NWD2: variants seen among roughly 807,000 people sequenced by gnomAD.
The protein encoded by NWD2 is NACHT and WD repeat domain containing 2.
A neutral mutation model predicts 132.7 loss-of-function variants in NWD2; 37 were observed. The ratio of observed to expected loss-of-function variants is 0.28; its 90% CI spans 0.21 to 0.37. The LOEUF is 0.37. NWD2 is among the 10% of genes least tolerant of loss of function. The pLI is 1.00. For synonymous variants in NWD2, 705 were observed against 803.0 expected (o/e 0.88, Z 2.06); for missense variants, 1,592 against 2,122.4 (o/e 0.75, Z 4.91).
intron 1 of NWD2, among the ~76,000 whole-genome samples, chr4:37,275,283 A>G (rs553197098): frequency 1.1e-3 from 162 of 152,250 alleles, no homozygotes; most frequent in African/African-American, 3.7e-3. Context: ...TTATACACCA[A>G]TAACAGACAA....
chr4:37,301,353 G>T (rs1718608350), intron 1 of NWD2, among the ~76,000 whole-genome samples: 1 of 152,010 alleles, frequency 6.6e-6, no homozygotes, highest in Admixed American at 6.6e-5. Flanking sequence ...TGAATCTGAA[G>T]ACTGGAATCT....
At chr4:37,366,316 A>G (rs1302239952) in intron 3 of NWD2, among the ~76,000 whole-genome samples, 2 of 152,180 alleles carry the variant, frequency 1.3e-5, no homozygotes, top group African/African-American at 4.8e-5. Flanking sequence ...ACTGCAACCG[A>G]GCCGCGGCCC....
chr4:37,335,223 A>G (rs1719377325), intron 2 of NWD2, among the ~76,000 whole-genome samples: 1 of 132,310 alleles, frequency 7.6e-6, no homozygotes, highest in African/African-American at 2.9e-5. Context: ...TTTGCGAACT[A>G]CATTTGGTTC....
At chr4:37,274,305 C>T (rs1717941254) in intron 1 of NWD2, among the ~76,000 whole-genome samples, 1 of 152,154 alleles carries the variant, frequency 6.6e-6, no homozygotes, top group South Asian at 2.1e-4. Context: ...ATAAACACCT[C>T]TGCGCAAATA....
chr4:37,261,250 A>G (rs1381764410), intron 1 of NWD2, among the ~76,000 whole-genome samples: 2 of 152,180 alleles, frequency 1.3e-5, no homozygotes, highest in African/African-American at 4.8e-5. Flanking sequence ...CGTGCATTAA[A>G]CAAAGGCTCA....
Position 37,245,074 on chromosome 4 carries a change from C to A in NWD2, c.7C>A (p.Pro3Thr). The A allele has an allele frequency of 1.3e-6, 2 of 1,545,332 alleles. No individual in the cohort carries two copies. The highest frequency in any genetic ancestry group is 1.7e-6 in the Non-Finnish European group (2 of 1,146,322). The change falls in exon 1 of 7, where the codon CCG (proline) becomes ACG (threonine). Residue 3 changes from proline (P) to threonine (T), a missense_variant. Pro to Thr is a conservative substitution (Grantham distance 38). Transcript: ENST00000309447. The stretch of plus-strand genomic sequence containing the variant: ...CTGTTCCTCCCAGAGGGCGATGTGG[C>A]CGGCCGGCGCGGGCACCAAGCTGCC... MW[P>T]AGAGTKLPCP...
intron 1 of NWD2, among the ~76,000 whole-genome samples, chr4:37,313,547 C>A (rs1389457123): frequency 1.3e-5 from 2 of 150,730 alleles, no homozygotes; most frequent in Non-Finnish European, 2.9e-5. Context: ...TGCTAGCGGT[C>A]TATCAATTTT....
chr4:37,413,658 A>G (rs1482439743), intron 3 of NWD2, among the ~76,000 whole-genome samples: 1 of 152,226 alleles, frequency 6.6e-6, no homozygotes, highest in Non-Finnish European at 1.5e-5. Context: ...TCTACTATAA[A>G]GACACATGCA....
At position 37,376,310 on chromosome 4, in the gene NWD2, G is replaced by C. The variant is rs192315376; in HGVS notation, c.357+19828G>C. ...AATAGTGTCACTACTTAAAACACTT[G>C]TAAATTAAATTAGATAGGTGAAAGA... On this transcript the variant is annotated intron_variant, in intron 3 of 6. Coordinates refer to ENST00000309447, the MANE Select transcript of NWD2 (RefSeq NM_001144990.2). 2.2e-4 allele frequency among the ~76,000 whole-genome samples: 34 copies of C among 152,278 alleles called. No individual in the cohort carries two copies. In the East Asian group the frequency reaches 6.4e-3, roughly 28 times the overall value.
chr4:37,392,640 T>G (rs1404251746), intron 3 of NWD2, among the ~76,000 whole-genome samples: 1 of 152,228 alleles, frequency 6.6e-6, no homozygotes, highest in Non-Finnish European at 1.5e-5. Context: ...TAGGATCAAA[T>G]GAGTGCGAGT....
At chr4:37,257,750 A>T (rs923436806) in intron 1 of NWD2, among the ~76,000 whole-genome samples, 6 of 152,338 alleles carry the variant, frequency 3.9e-5, no homozygotes, top group Middle Eastern at 3.4e-3. Flanking sequence ...CCAGATTTTT[A>T]AAATGATGAT....
intron 3 of NWD2, among the ~76,000 whole-genome samples, chr4:37,394,495 T>C (rs1182553485): frequency 6.6e-6 from 1 of 152,238 alleles, no homozygotes; most frequent in Non-Finnish European, 1.5e-5. Context: ...TACTTACTGA[T>C]AAGACTCAAA....
chr4:37,401,279 C>T (rs1003560817), intron 3 of NWD2, among the ~76,000 whole-genome samples: 10 of 152,162 alleles, frequency 6.6e-5, no homozygotes, highest in Non-Finnish European at 8.8e-5. Flanking sequence ...CCCATCTCCA[C>T]CTGAGAAGAT....
intron 1 of NWD2, among the ~76,000 whole-genome samples, chr4:37,255,269 C>A (rs1346155628): frequency 2.0e-5 from 3 of 152,168 alleles, no homozygotes; most frequent in Admixed American, 1.3e-4. Flanking sequence ...CAGCTTGTAT[C>A]TGATATCCCG....
chr4:37,340,021 G>C (rs1024941057), intron 2 of NWD2, among the ~76,000 whole-genome samples: 1 of 151,288 alleles, frequency 6.6e-6, no homozygotes. Context: ...TTATAGGAGA[G>C]AGGGAAACCT....
At position 37,385,463 on chromosome 4, in the gene NWD2, G is replaced by A. The variant is rs144363104; in HGVS notation, c.357+28981G>A. Among the ~76,000 whole-genome samples the A allele has an allele frequency of 3.1e-3, 466 of 152,258 alleles. 2 individuals carry two copies. The highest frequency in any genetic ancestry group is 9.7e-3 in the African/African-American group (404 of 41,548). On this transcript the variant is annotated intron_variant, in intron 3 of 6. Coordinates refer to ENST00000309447, the MANE Select transcript of NWD2 (RefSeq NM_001144990.2). ...GGGTCCTGATCCTGTGAAACTTGCTGCTCAAGAGGAACAGAGCAGCGTTCT... is the reference window on the plus strand; with the variant it reads ...GGGTCCTGATCCTGTGAAACTTGCTACTCAAGAGGAACAGAGCAGCGTTCT...
chr4:37,399,697 A>G (rs187966507), intron 3 of NWD2, among the ~76,000 whole-genome samples: 1 of 152,324 alleles, frequency 6.6e-6, no homozygotes, highest in East Asian at 1.9e-4. Context: ...TTTCTCCAGA[A>G]CAAACTTAAT....
At chr4:37,282,553 A>G (rs1039463585) in intron 1 of NWD2, among the ~76,000 whole-genome samples, 1 of 152,206 alleles carries the variant, frequency 6.6e-6, no homozygotes, top group Middle Eastern at 3.2e-3. Context: ...GAATCCTTGC[A>G]CAATTTGAGT....
At chr4:37,437,663 G>A (rs1353497187) in intron 5 of NWD2, among the ~76,000 whole-genome samples, 4 of 152,166 alleles carry the variant, frequency 2.6e-5, no homozygotes, top group Non-Finnish European at 5.9e-5. Context: ...CCAATTTTAA[G>A]AATACTTGCT....
Sources: gnomAD v4.1 joint callset for allele counts (sites outside exome capture counted in the v4.1 genomes callset) on GRCh38, gnomAD v4.1.1 for gene constraint, MANE v1.5 for transcripts, NCBI Gene and HGNC (gene_info 2026-07-23, HGNC 2026-07-21) for gene names.